ST7: variants seen among roughly 807,000 people sequenced by gnomAD.
ST7 encodes the protein suppressor of tumorigenicity 7 protein.
In ST7, 28 loss-of-function variants were observed where a neutral mutation model predicts 78.7. That is an observed-to-expected ratio of 0.36 (90% CI 0.26 to 0.49). ST7 has a LOEUF of 0.49. ST7 is among the 20% of genes least tolerant of loss of function. The pLI, the probability that ST7 is intolerant of heterozygous loss-of-function variation, is 0.99. For synonymous variants in ST7, 247 were observed against 249.6 expected, an observed-to-expected ratio of 0.99 and a Z score of 0.10; for missense variants, 418 against 696.0, an observed-to-expected ratio of 0.60 and a Z score of 4.49.
At chr7:117,188,656 A>T (rs1039210081) in intron 10 of ST7, among the ~76,000 whole-genome samples, 8 of 152,214 alleles carry the variant, frequency 5.3e-5, no homozygotes, top group Non-Finnish European at 8.8e-5. Context: ...GTGAGGCTTC[A>T]TATGAAAGGA....
chr7:117,130,554 C>T lies in ST7; in HGVS notation c.513C>T (p.Asp171=). ...TYYDMNLSAQ[D]HQTFFTCDSD... ...ATGACATGAATCTCTCTGCCCAAGA[C>T]CACCAGACATTCTTTACTTGTGACT... The change falls in exon 5 of 16, where the codon GAC becomes GAT. Residue 171 remains aspartate (D), a synonymous_variant. Transcript: ENST00000323984. 2 of 1,611,646 alleles carry T rather than the reference C, an allele frequency of 1.2e-6. No homozygotes were observed. The highest frequency in any genetic ancestry group is 1.7e-6 in the Non-Finnish European group (2 of 1,178,430).
intron 1 of ST7, among the ~76,000 whole-genome samples, chr7:116,980,579 G>T (rs1793912665): frequency 6.6e-6 from 1 of 152,156 alleles, no homozygotes; most frequent in Non-Finnish European, 1.5e-5. Context: ...AGCTCTTCCA[G>T]CTGCTGTTGT....
intron 9 of ST7, 41 bp downstream of exon 9, chr7:117,138,573 A>G (rs1167219022): frequency 2.8e-6 from 4 of 1,422,888 alleles, no homozygotes; most frequent in African/African-American, 1.4e-5. Flanking sequence ...GCTTACAGAT[A>G]TAGGAGCCCG....
At chr7:117,008,132 T>C (rs1795230838) in intron 1 of ST7, among the ~76,000 whole-genome samples, 1 of 152,204 alleles carries the variant, frequency 6.6e-6, no homozygotes, top group African/African-American at 2.4e-5. Context: ...CCATGTGAAC[T>C]TTAATAGAAA....
At chr7:117,208,902 G>GTGT (rs1792028590) in intron 12 of ST7, among the ~76,000 whole-genome samples, 4 of 139,800 alleles carry the variant, frequency 2.9e-5, no homozygotes, top group East Asian at 2.1e-4. Context: ...TGTATGTGTG[G>GTGT]GTGTGTGTGT....
chr7:117,122,471 A>T (rs1263538356), intron 3 of ST7, among the ~76,000 whole-genome samples: 4 of 152,182 alleles, frequency 2.6e-5, no homozygotes, highest in African/African-American at 9.6e-5. Flanking sequence ...CTTGGCTAAG[A>T]CTGAGCTTTT....
intron 10 of ST7, among the ~76,000 whole-genome samples, chr7:117,178,397 C>G (rs533473604): frequency 8.5e-5 from 13 of 152,294 alleles, no homozygotes; most frequent in Admixed American, 3.3e-4. Context: ...TTGAAACAAG[C>G]TGTGGGGAGT....
intron 1 of ST7, among the ~76,000 whole-genome samples, chr7:116,989,922 G>A (rs1794352751): frequency 6.6e-6 from 1 of 152,080 alleles, no homozygotes. Flanking sequence ...ATGTGGCATA[G>A]ATTGGTGATT....
At chr7:117,222,086 C>T (rs1793134271) in intron 15 of ST7, 24 bp downstream of exon 15, 8 of 1,585,432 alleles carry the variant, frequency 5.0e-6, no homozygotes, top group Non-Finnish European at 6.8e-6. Flanking sequence ...TAGAGGGAGG[C>T]CTTGGGGAAT....
At chr7:117,096,842 C>T (rs1162281135) in intron 1 of ST7, among the ~76,000 whole-genome samples, 1 of 152,144 alleles carries the variant, frequency 6.6e-6, no homozygotes, top group Non-Finnish European at 1.5e-5. Context: ...TGGGCATCTC[C>T]TACTCTCTAG....
chr7:117,104,712 A>G (rs2116837782), intron 2 of ST7, among the ~76,000 whole-genome samples: 2 of 152,378 alleles, frequency 1.3e-5, no homozygotes, highest in Middle Eastern at 6.8e-3. Flanking sequence ...ATTTAGAATC[A>G]ATTTAAGTAC....
At chr7:117,030,277 A>G (rs1319447626) in intron 1 of ST7, among the ~76,000 whole-genome samples, 2 of 152,214 alleles carry the variant, frequency 1.3e-5, no homozygotes, top group African/African-American at 4.8e-5. Flanking sequence ...GGAATGACTT[A>G]TATTACCCAC....
intron 1 of ST7, chr7:117,020,293 C>T (rs994914086): frequency 2.5e-6 from 1 of 398,272 alleles, no homozygotes; most frequent in Non-Finnish European, 4.5e-6. Context: ...CCTGCTGCTA[C>T]CTAGTCCAGC....
intron 10 of ST7, among the ~76,000 whole-genome samples, chr7:117,175,445 C>G (rs153015): frequency 0.13 from 19,167 of 152,070 alleles, 2,263 homozygotes; most frequent in African/African-American, 0.31. Flanking sequence ...GAATCTCGTA[C>G]AGCAAGCGAA....
At position 117,229,807 on chromosome 7, in the gene ST7, G is replaced by A. The variant is rs1329958533; in HGVS notation, c.1684G>A (p.Val562Met). ...FAPLNFVMEKVESILPSSLWH... is the reference protein window; with the variant it reads ...FAPLNFVMEKMESILPSSLWH... ...CCCCTTAAACTTTGTCATGGAGAAA[G>A]TGGAGAGCATCCTCCCATCCAGTCT... The change falls in exon 16 of 16, where the codon GTG becomes ATG. Residue 562 changes from valine (V) to methionine (M), a missense_variant. Around this residue, in one of 4 missense-constraint regions of ST7, gnomAD observed 288 missense variants for 537.1 expected, o/e 0.54. Coordinates refer to ENST00000323984, the MANE Select transcript of ST7 (RefSeq NM_001369598.1). The A allele has an allele frequency of 6.2e-7, 1 of 1,613,986 alleles. No homozygotes were observed. Among genetic ancestry groups the A allele is most frequent in the South Asian group, 1.1e-5 (1 of 91,074 alleles).
At chr7:117,036,516 T>A (rs1235796982) in intron 1 of ST7, among the ~76,000 whole-genome samples, 2 of 152,192 alleles carry the variant, frequency 1.3e-5, no homozygotes, top group East Asian at 3.9e-4. Context: ...ACAGTAGGAA[T>A]AAGCCTGGGT....
intron 1 of ST7, among the ~76,000 whole-genome samples, chr7:116,958,069 C>G (rs1792609231): frequency 6.6e-6 from 1 of 152,134 alleles, no homozygotes. Context: ...TCACTGCAGC[C>G]TCAACCTGCA....
At chr7:116,980,346 T>C (rs1793903392) in intron 1 of ST7, among the ~76,000 whole-genome samples, 1 of 152,208 alleles carries the variant, frequency 6.6e-6, no homozygotes, top group Admixed American at 6.5e-5. Flanking sequence ...CTGTAGTTTA[T>C]CTGAGTCCGA....
rs1168874924 is a variant in ST7 at position 117,152,200 on chromosome 7, T to C, written c.963+13668T>C. ...AACTATATATATATATATATATATA[T>C]ATATATATATATATATATATATACC... On this transcript the variant is annotated intron_variant, in intron 9 of 15. Coordinates refer to ENST00000323984, the MANE Select transcript of ST7 (RefSeq NM_001369598.1). Among the ~76,000 whole-genome samples, 4 of 75,130 alleles carry C rather than the reference T, an allele frequency of 5.3e-5. No individual in the cohort carries two copies. The South Asian group carries it at 1.2e-3, about 22-fold the overall frequency. The allele number at this position is 75,130 out of a possible 152,430, so 49.3% of individuals were successfully genotyped here.
Sources: allele counts gnomAD v4.1 joint callset (sites outside exome capture counted in the v4.1 genomes callset), GRCh38; gene constraint gnomAD v4.1.1; regional missense constraint gnomAD v4.1.1; transcripts MANE v1.5; gene names NCBI Gene and HGNC (gene_info 2026-07-23, HGNC 2026-07-21).